The following ENOX1 variants were observed in gnomAD, a reference collection of about 807,000 sequenced individuals.
ENOX1 encodes ecto-NOX disulfide-thiol exchanger 1, also known as candidate growth-related and time keeping constitutive hydroquinone (NADH) oxidase.
Under a neutral mutation model 82.5 loss-of-function variants are expected in ENOX1, and 42 were observed. The ratio of observed to expected loss-of-function variants is 0.51; its 90% CI spans 0.40 to 0.66. The LOEUF (loss-of-function observed/expected upper bound fraction) is 0.66, where lower values mean the gene tolerates loss of function less well. Ranked by LOEUF, ENOX1 falls within the 30% of genes least tolerant of loss-of-function variation. The pLI, the probability that ENOX1 is intolerant of heterozygous loss-of-function variation, is 0.00. For synonymous variants in ENOX1, 271 were observed against 282.2 expected, an observed-to-expected ratio of 0.96 and a Z score of 0.40; for missense variants, 608 against 811.6, an observed-to-expected ratio of 0.75 and a Z score of 3.05.
At chr13:43,460,880 C>T (rs1484693380) in intron 3 of ENOX1, among the ~76,000 whole-genome samples, 5 of 141,024 alleles carry the variant, frequency 3.5e-5, no homozygotes, top group Non-Finnish European at 7.6e-5. Context: ...TGGGTGTTAG[C>T]TTGAGAGAAG....
chr13:43,471,368 C>T lies in ENOX1; in HGVS notation c.-75+12641G>A, dbSNP rs531615412. ...AGGCAGATACATTTGTCAGAACTCA[C>T]GGAAATTCACTCATAAAAGTTGTGT... On this transcript the variant is annotated intron_variant, in intron 3 of 16. Transcript: ENST00000690772. Among the ~76,000 whole-genome samples the T allele has an allele frequency of 5.3e-5, 8 of 151,912 alleles. No homozygotes were observed. The South Asian group carries it at 6.3e-4, about 12-fold the overall frequency.
intron 1 of ENOX1, among the ~76,000 whole-genome samples, chr13:43,669,518 C>G (rs2085154532): frequency 6.6e-6 from 1 of 152,060 alleles, no homozygotes; most frequent in South Asian, 2.1e-4. Context: ...GGAGCTAAGG[C>G]CCTTCCTTTT....
chr13:43,580,637 T>C (rs1868761915), intron 2 of ENOX1, among the ~76,000 whole-genome samples: 1 of 152,242 alleles, frequency 6.6e-6, no homozygotes, highest in South Asian at 2.1e-4. Context: ...GGGCAGTTCT[T>C]TCAAATTCTG....
chr13:43,448,340 C>T lies in ENOX1; in HGVS notation c.-74-35352G>A, dbSNP rs545355952. Among the ~76,000 whole-genome samples the T allele has an allele frequency of 2.6e-5, 4 of 152,312 alleles. No individual in the cohort carries two copies. In the South Asian group the frequency reaches 6.2e-4, roughly 24 times the overall value. On this transcript the variant is annotated intron_variant, in intron 3 of 16. Coordinates refer to ENST00000690772, the MANE Select transcript of ENOX1 (RefSeq NM_001347969.2). The stretch of plus-strand genomic sequence containing the variant: ...AAATAGGACTTTGTTTAAGCTTAGG[C>T]TTGCCAATTTAAATATTGTCAATGG...
intron 10 of ENOX1, among the ~76,000 whole-genome samples, chr13:43,324,333 A>T (rs559458727): frequency 6.6e-6 from 1 of 152,320 alleles, no homozygotes; most frequent in African/African-American, 2.4e-5. Flanking sequence ...CTTGTGGGAA[A>T]GGGTGGTGGA....
At chr13:43,393,617 G>C (rs2052943084) in intron 5 of ENOX1, among the ~76,000 whole-genome samples, 1 of 152,076 alleles carries the variant, frequency 6.6e-6, no homozygotes, top group Non-Finnish European at 1.5e-5. Flanking sequence ...TGGGTGAAAG[G>C]ACAAATAGAT....
chr13:43,472,589 G>A (rs1008605938), intron 3 of ENOX1, among the ~76,000 whole-genome samples: 2 of 152,142 alleles, frequency 1.3e-5, no homozygotes, highest in Non-Finnish European at 2.9e-5. Flanking sequence ...CCTTGGAGAC[G>A]AAGCATAAAA....
chr13:43,638,627 T>C (rs538305777), intron 2 of ENOX1, among the ~76,000 whole-genome samples: 81 of 152,316 alleles, frequency 5.3e-4, no homozygotes, highest in African/African-American at 1.8e-3. Context: ...CCCAGCAGCA[T>C]TGCAGGGTCT....
intron 5 of ENOX1, among the ~76,000 whole-genome samples, chr13:43,386,202 A>G (rs2052400949): frequency 6.6e-6 from 1 of 152,154 alleles, no homozygotes; most frequent in Non-Finnish European, 1.5e-5. Context: ...TCCTTGGTAC[A>G]TTCTAGGTTC....
At chr13:43,295,223 A>C (rs138371074) in intron 12 of ENOX1, among the ~76,000 whole-genome samples, 59 of 152,376 alleles carry the variant, frequency 3.9e-4, no homozygotes, top group Admixed American at 3.5e-3. Flanking sequence ...GAAAGTCAAA[A>C]GCCTCACTAT....
intron 3 of ENOX1, among the ~76,000 whole-genome samples, chr13:43,416,089 G>A (rs1252255475): frequency 7.6e-5 from 11 of 145,106 alleles, no homozygotes; most frequent in African/African-American, 1.6e-4. Flanking sequence ...TCTCCCAGAC[G>A]GGGCGGATGG....
At chr13:43,215,135 T>C (rs1205413295) in intron 16 of ENOX1, among the ~76,000 whole-genome samples, 2 of 152,170 alleles carry the variant, frequency 1.3e-5, no homozygotes. Context: ...GATATCATTT[T>C]AGAGTCTACA....
At position 43,417,247 on chromosome 13, in the gene ENOX1, G is replaced by A. The variant is rs1348153168; in HGVS notation, c.-74-4259C>T. Among the ~76,000 whole-genome samples, 16 of 108,146 alleles carry A rather than the reference G, an allele frequency of 1.5e-4. No homozygotes were observed. The East Asian group carries it at 5.8e-3, about 39-fold the overall frequency. 70.9% of individuals were successfully genotyped at this position (108,146 alleles called of 152,430 possible). On this transcript the variant is annotated intron_variant, in intron 3 of 16. Coordinates refer to ENST00000690772, the MANE Select transcript of ENOX1 (RefSeq NM_001347969.2). The stretch of plus-strand genomic sequence containing the variant: ...GGGAGACGGGAGACGGGAGACGGGA[G>A]AGGGAGAGGGAGAGGGAGAGGGCCA...
chr13:43,740,186 GAAA>G (rs2089834005), intron 1 of ENOX1, among the ~76,000 whole-genome samples: 1 of 152,132 alleles, frequency 6.6e-6, no homozygotes, highest in Admixed American at 6.6e-5. Context: ...CTGAGGCACA[GAAA>G]TGAGGCCATG....
intron 2 of ENOX1, among the ~76,000 whole-genome samples, chr13:43,533,914 G>A (rs868094691): frequency 3.3e-5 from 5 of 152,112 alleles, no homozygotes; most frequent in Non-Finnish European, 5.9e-5. Context: ...TTGCCAGAAT[G>A]CTAAAGAGAG....
Position 43,556,819 on chromosome 13 carries a change from A to C in ENOX1, c.-218-72667T>G, listed in dbSNP as rs2079458447. On this transcript the variant is annotated intron_variant, in intron 2 of 16. Transcript: ENST00000690772. ...CATTAGAAGATGTAAATTATATAAA[A>C]GCTGATTGTCACAAGTGCCATATAT... 2.0e-5 allele frequency among the ~76,000 whole-genome samples: 3 copies of C among 152,342 alleles called. No individual in the cohort carries two copies. The South Asian group carries it at 6.2e-4, about 32-fold the overall frequency.
intron 2 of ENOX1, among the ~76,000 whole-genome samples, chr13:43,529,646 G>A (rs537986105): frequency 6.6e-5 from 10 of 152,218 alleles, no homozygotes; most frequent in African/African-American, 2.2e-4. Context: ...TGGACGACAT[G>A]TACAGAAATG....
chr13:43,632,336 C>A (rs9533560), intron 2 of ENOX1, among the ~76,000 whole-genome samples: 3 of 151,442 alleles, frequency 2.0e-5, no homozygotes, highest in African/African-American at 4.9e-5. Flanking sequence ...ATCATCTCAA[C>A]CTGAAAATCA....
At chr13:43,693,410 T>C in intron 1 of ENOX1, among the ~76,000 whole-genome samples, 1 of 152,318 alleles carries the variant, frequency 6.6e-6, no homozygotes, top group Admixed American at 6.5e-5. Flanking sequence ...GGAACACTCA[T>C]AAAGTCCAGC....
Sources: gnomAD v4.1 joint callset for allele counts (sites outside exome capture counted in the v4.1 genomes callset) on GRCh38, gnomAD v4.1.1 for gene constraint, MANE v1.5 for transcripts, NCBI Gene and HGNC (gene_info 2026-07-23, HGNC 2026-07-21) for gene names.